The following PDCL2 variants were observed in gnomAD, a reference collection of about 807,000 sequenced individuals.
The protein encoded by PDCL2 is phosducin like 2, also known as phosducin-like protein 2.
Under a neutral mutation model 30.3 loss-of-function variants are expected in PDCL2, and 23 were observed. The observed-to-expected ratio is 0.76, with a 90% CI of 0.55 to 1.08. PDCL2 has a LOEUF of 1.08. Ranked by LOEUF, PDCL2 falls within the 50% of genes least tolerant of loss-of-function variation. PDCL2 has a pLI of 0.00. For missense variants in PDCL2, 243 were observed against 282.3 expected (o/e 0.86, Z 1.00); for synonymous variants, 68 against 86.2 (o/e 0.79, Z 1.17).
Position 55,580,835 on chromosome 4 carries a change from A to G in PDCL2, c.204T>C (p.Ala68=). 1 of 1,607,300 alleles carries G rather than the reference A, an allele frequency of 6.2e-7. No individual in the cohort carries two copies. Among genetic ancestry groups the G allele is most frequent in the Non-Finnish European group, 8.5e-7 (1 of 1,176,940 alleles). Residue 68 remains alanine (A), a synonymous_variant, in exon 3 of 6, where the codon GCT becomes GCC. Coordinates refer to ENST00000295645, the MANE Select transcript of PDCL2 (RefSeq NM_152401.3). ...EDEFDEEDMQ[A]VETYRKKRLQ... is the part of the protein sequence containing the mutation. ...AATCACTGTACCTATATGTTTCAAC[A>G]GCCTGCATATCTTCTTCATCAAATT...
chr4:55,577,237 G>T (rs1481991828), intron 3 of PDCL2, among the ~76,000 whole-genome samples: 2 of 152,194 alleles, frequency 1.3e-5, no homozygotes, highest in African/African-American at 4.8e-5. Flanking sequence ...CGTTCATAAA[G>T]GGGTAGCCCT....
chr4:55,572,792 T>G (rs902934004), intron 3 of PDCL2, among the ~76,000 whole-genome samples: 1 of 152,132 alleles, frequency 6.6e-6, no homozygotes. Flanking sequence ...ATGGAGTCTG[T>G]CTCTGTCGCC....
intron 3 of PDCL2, among the ~76,000 whole-genome samples, chr4:55,575,541 A>G (rs1009463267): frequency 1.3e-5 from 2 of 152,218 alleles, no homozygotes; most frequent in African/African-American, 4.8e-5. Context: ...GATGAAATAC[A>G]TTAATCTATA....
chr4:55,580,662 T>C (rs1204539606), intron 3 of PDCL2, among the ~76,000 whole-genome samples, 159 bp downstream of exon 3: 1 of 152,200 alleles, frequency 6.6e-6, no homozygotes, highest in East Asian at 1.9e-4. Flanking sequence ...GATGTAATGA[T>C]GTAATAAAAT....
chr4:55,578,618 A>T (rs1219689534), intron 3 of PDCL2, among the ~76,000 whole-genome samples: 1 of 151,448 alleles, frequency 6.6e-6, no homozygotes, highest in Admixed American at 6.6e-5. Context: ...TTCTTCAATT[A>T]GGGTTTATTT....
chr4:55,576,173 C>T (rs1732563673), intron 3 of PDCL2, among the ~76,000 whole-genome samples: 1 of 152,046 alleles, frequency 6.6e-6, no homozygotes, highest in Non-Finnish European at 1.5e-5. Flanking sequence ...CTTACTGCAA[C>T]CTCTGCCTCC....
chr4:55,579,716 A>G (rs576608445), intron 3 of PDCL2, among the ~76,000 whole-genome samples: 1 of 150,994 alleles, frequency 6.6e-6, no homozygotes, highest in East Asian at 1.9e-4. Context: ...TGTTTTGTAG[A>G]GACAGGGTCT....
At chr4:55,562,086 T>C (rs934060658) in intron 5 of PDCL2, among the ~76,000 whole-genome samples, 2 of 152,102 alleles carry the variant, frequency 1.3e-5, no homozygotes, top group Non-Finnish European at 2.9e-5. Context: ...GTAATGTCTA[T>C]TTGTGGGTTG....
intron 5 of PDCL2, 59 bp from the exon 6 acceptor site, chr4:55,556,770 C>G (rs1241935987): frequency 7.7e-7 from 1 of 1,302,410 alleles, no homozygotes; most frequent in African/African-American, 1.5e-5. Context: ...AATTTTTCAT[C>G]TATATGAAAC....
intron 1 of PDCL2, among the ~76,000 whole-genome samples, chr4:55,583,792 G>A (rs1279648917): frequency 6.6e-6 from 1 of 152,188 alleles, no homozygotes; most frequent in Admixed American, 6.5e-5. Context: ...GTACCACGCT[G>A]TTTGGATTAC....
At chr4:55,590,196 C>CAA (rs1221085369) in intron 1 of PDCL2, among the ~76,000 whole-genome samples, 9,871 of 37,020 alleles carry the variant, frequency 0.27, 2,846 homozygotes, top group Middle Eastern at 0.41. Flanking sequence ...GGCTCTGTCT[C>CAA]AAAAAAAAAA....
intron 3 of PDCL2, among the ~76,000 whole-genome samples, chr4:55,573,520 C>T (rs1276997778): frequency 5.3e-5 from 8 of 152,166 alleles, no homozygotes; most frequent in Non-Finnish European, 8.8e-5. Context: ...GAGGCCAAGG[C>T]GGGCAGATCA....
At chr4:55,570,604 A>G (rs1732396266) in intron 3 of PDCL2, among the ~76,000 whole-genome samples, 1 of 152,212 alleles carries the variant, frequency 6.6e-6, no homozygotes, top group Non-Finnish European at 1.5e-5. Context: ...TGGGAAAAAA[A>G]TGAAATAATA....
Position 55,573,863 on chromosome 4 carries a change from A to G in PDCL2, c.219-4002T>C, listed in dbSNP as rs1457169227. ...TATCAAGTAAAAAAAAAGTTCCATT[A>G]CTTTAGCTTATCACTAGTTTTTGTT... On this transcript the variant is annotated intron_variant, in intron 3 of 5. Coordinates refer to ENST00000295645, the MANE Select transcript of PDCL2 (RefSeq NM_152401.3). Among the ~76,000 whole-genome samples the G allele has an allele frequency of 2.0e-5, 3 of 151,392 alleles. No homozygotes were observed. In the South Asian group the frequency reaches 6.2e-4, roughly 31 times the overall value.
chr4:55,565,588 T>C (rs1356902827), intron 4 of PDCL2, among the ~76,000 whole-genome samples: 3 of 152,246 alleles, frequency 2.0e-5, no homozygotes, highest in Non-Finnish European at 4.4e-5. Flanking sequence ...CCTCCCGCCA[T>C]GTCCCTCCCA....
intron 3 of PDCL2, among the ~76,000 whole-genome samples, chr4:55,574,740 TC>T (rs1397676102): frequency 6.6e-6 from 1 of 152,220 alleles, no homozygotes; most frequent in Non-Finnish European, 1.5e-5. Flanking sequence ...CTGGTTTCTT[TC>T]CCCTAGCATG....
intron 4 of PDCL2, among the ~76,000 whole-genome samples, chr4:55,566,679 C>T (rs1274703187): frequency 3.3e-5 from 5 of 151,988 alleles, no homozygotes; most frequent in African/African-American, 1.2e-4. Flanking sequence ...CCGCCTGCCT[C>T]GGCCTCCCAA....
At chr4:55,566,719 G>A (rs956835417) in intron 4 of PDCL2, among the ~76,000 whole-genome samples, 2 of 151,886 alleles carry the variant, frequency 1.3e-5, no homozygotes, top group African/African-American at 4.8e-5. Flanking sequence ...ATGAGCCACC[G>A]CACCCAGCCC....
chr4:55,587,801 C>G (rs1732902068), intron 1 of PDCL2, among the ~76,000 whole-genome samples: 1 of 152,178 alleles, frequency 6.6e-6, no homozygotes, highest in South Asian at 2.1e-4. Flanking sequence ...AATGATCCAC[C>G]TGCCTCAGCC....
Sources: gnomAD v4.1 joint callset for allele counts (sites outside exome capture counted in the v4.1 genomes callset) on GRCh38, gnomAD v4.1.1 for gene constraint, MANE v1.5 for transcripts, NCBI Gene and HGNC (gene_info 2026-07-23, HGNC 2026-07-21) for gene names.